ZDHHC5: variants seen among roughly 807,000 people sequenced by gnomAD.
ZDHHC5 encodes palmitoyltransferase ZDHHC5.
In ZDHHC5, 22 loss-of-function variants were observed where a neutral mutation model predicts 70.0. The observed-to-expected ratio is 0.31, with a 90% CI of 0.22 to 0.45. The LOEUF is 0.45. Among genes scored for constraint, ZDHHC5 ranks in the 20% least tolerant of loss-of-function variants. ZDHHC5 has a pLI of 1.00. For missense variants in ZDHHC5, 746 were observed against 926.9 expected, an observed-to-expected ratio of 0.80 and a Z score of 2.53; for synonymous variants, 313 against 347.8, an observed-to-expected ratio of 0.90 and a Z score of 1.11.
At chr11:57,678,829 A>G (rs188197166) in intron 2 of ZDHHC5, among the ~76,000 whole-genome samples, 14 of 152,208 alleles carry the variant, frequency 9.2e-5, no homozygotes, top group Non-Finnish European at 1.8e-4. Flanking sequence ...TGAGCCAAGC[A>G]TGGGTGACAG....
Position 57,673,187 on chromosome 11 carries a change from G to T in ZDHHC5, c.97G>T (p.Ala33Ser). ...FLVGATTLFF[A>S]FTCPGLSLYV... ...AGTGGGAGCTACGACACTCTTCTTT[G>T]CCTTTACGTGAGTTTTCTCCCAGCA... Residue 33 changes from alanine (A) to serine (S), a missense_variant, in exon 2 of 12, where the codon GCC (alanine) becomes TCC (serine). Transcript: ENST00000287169. 6.2e-7 allele frequency: 1 copy of T among 1,613,750 alleles called. No individual in the cohort carries two copies. Among genetic ancestry groups the T allele is most frequent in the Non-Finnish European group, 8.5e-7 (1 of 1,179,736 alleles).
At chr11:57,683,465 A>T (rs1946172580) in intron 3 of ZDHHC5, among the ~76,000 whole-genome samples, 1 of 152,222 alleles carries the variant, frequency 6.6e-6, no homozygotes, top group Admixed American at 6.5e-5. Flanking sequence ...TGGAGGAATT[A>T]TCTAGAGTAG....
rs1946017853 is a variant in ZDHHC5 at position 57,672,443 on chromosome 11, CAG to C, written c.-647_-646del. 1.0e-5 allele frequency: 4 copies of C among 386,380 alleles called. No homozygotes were observed. The highest frequency in any genetic ancestry group is 1.4e-5 in the Non-Finnish European group (3 of 218,942). 23.9% of individuals were successfully genotyped at this position (386,380 alleles called of 1,614,324 possible). A position where few individuals can be genotyped will look rare whatever the true frequency, so the allele number is the denominator to read the frequency against. On this transcript the variant is annotated 5_prime_UTR_variant, in exon 2 of 12. Transcript: ENST00000287169. ...GCCAGACTACAAGCCCTGGTGAAGT[CAG>C]GGTGTGGGAGTGGTGGCATTGAGAA... is the stretch of plus-strand genomic sequence containing the variant.
At position 57,668,164 on chromosome 11, in the gene ZDHHC5, T is replaced by C; in HGVS notation, c.-1094T>C. The C allele has an allele frequency of 2.7e-6, 1 of 367,732 alleles. No individual in the cohort carries two copies. The highest frequency in any genetic ancestry group is 4.0e-5 in the East Asian group (1 of 25,174). The allele number at this position is 367,732 out of a possible 1,614,324, so 22.8% of individuals were successfully genotyped here. On this transcript the variant is annotated 5_prime_UTR_variant, in exon 1 of 12. Transcript: ENST00000287169. ...GAGGCGGCGGTGACAACGACGGCGG[T>C]GGTGACGGGCACCGGGCTCGCGGGT...
intron 2 of ZDHHC5, among the ~76,000 whole-genome samples, chr11:57,674,786 G>C (rs577219085): frequency 5.9e-5 from 9 of 152,292 alleles, no homozygotes; most frequent in African/African-American, 2.2e-4. Flanking sequence ...TAAAGAAGGA[G>C]AGAAAGAATC....
intron 3 of ZDHHC5, among the ~76,000 whole-genome samples, chr11:57,685,583 A>G (rs2135390984): frequency 6.6e-6 from 1 of 152,276 alleles, no homozygotes; most frequent in South Asian, 2.1e-4. Flanking sequence ...TGGGAGGTGG[A>G]GGTTGTGATG....
chr11:57,684,832 C>T (rs1169392398), intron 3 of ZDHHC5, among the ~76,000 whole-genome samples: 1 of 152,178 alleles, frequency 6.6e-6, no homozygotes, highest in East Asian at 1.9e-4. Context: ...GCTGGCAACT[C>T]TGCTGAGATG....
At chr11:57,681,890 C>G (rs1204089579) in intron 2 of ZDHHC5, among the ~76,000 whole-genome samples, 2 of 152,172 alleles carry the variant, frequency 1.3e-5, no homozygotes, top group Admixed American at 6.5e-5. Context: ...AGTAAACTCT[C>G]AGGCATATCC....
intron 2 of ZDHHC5, among the ~76,000 whole-genome samples, chr11:57,676,201 C>T (rs535676866): frequency 6.6e-5 from 10 of 152,306 alleles, no homozygotes; most frequent in Non-Finnish European, 1.2e-4. Flanking sequence ...GTTGAGTTTG[C>T]ATCAAAGAAA....
rs948190829 is a variant in ZDHHC5, at chr11:57,673,292, G to C, written c.104+98G>C. 4.2e-5 allele frequency: 49 copies of C among 1,177,690 alleles called. No homozygotes were observed. In the Middle Eastern group the frequency reaches 5.8e-4, roughly 14 times the overall value. The allele number at this position is 1,177,690 out of a possible 1,614,324, so 73.0% of individuals were successfully genotyped here. A position where few individuals can be genotyped will look rare whatever the true frequency, so the allele number is the denominator to read the frequency against. ...TTGAGTTTTGCAAAGCCAAGTGACTGAGAGGGCTCAGCGTCTGGTACAGGT... is the reference window on the plus strand; with the variant it reads ...TTGAGTTTTGCAAAGCCAAGTGACTCAGAGGGCTCAGCGTCTGGTACAGGT... On this transcript the variant is annotated intron_variant, in intron 2 of 11. Coordinates refer to ENST00000287169, the MANE Select transcript of ZDHHC5 (RefSeq NM_015457.3).
intron 3 of ZDHHC5, among the ~76,000 whole-genome samples, chr11:57,687,134 C>T (rs1946217430): frequency 6.6e-6 from 1 of 152,046 alleles, no homozygotes; most frequent in Non-Finnish European, 1.5e-5. Context: ...CCCAGCTGTA[C>T]AGTTCTTTAC....
chr11:57,690,543 C>A, intron 6 of ZDHHC5, 106 bp downstream of exon 6: 1 of 1,177,072 alleles, frequency 8.5e-7, no homozygotes, highest in Non-Finnish European at 1.3e-6. Flanking sequence ...TTAATGAATA[C>A]TTTTCATGAT....
Position 57,693,779 on chromosome 11 carries a change from T to G in ZDHHC5, c.753-4T>G. The G allele has an allele frequency of 6.4e-7, 1 of 1,556,052 alleles. No homozygotes were observed. The highest frequency in any genetic ancestry group is 8.7e-7 in the Non-Finnish European group (1 of 1,150,912). On this transcript the variant is annotated splice_region_variant and splice_polypyrimidine_tract_variant and intron_variant, in intron 7 of 11. Coordinates refer to ENST00000287169, the MANE Select transcript of ZDHHC5 (RefSeq NM_015457.3). ...TCTCTCTCTCTCTCTCTCTCGACAC[T>G]TAGGTATTTGGGGAGACCAAAGAAA...
intron 8 of ZDHHC5, among the ~76,000 whole-genome samples, chr11:57,694,632 G>GA (rs1310216816): frequency 1.3e-5 from 2 of 152,252 alleles, no homozygotes; most frequent in East Asian, 1.9e-4. Context: ...AAAATGCTAG[G>GA]ATTATAGGTG....
chr11:57,698,935 C>T lies in ZDHHC5; in HGVS notation c.1499C>T (p.Pro500Leu), dbSNP rs1946395764. ...EPDPPLGYTSPFLSARLAQQR... is the reference protein window; with the variant it reads ...EPDPPLGYTSLFLSARLAQQR... ...GACCCACCTTTAGGCTATACCTCTC[C>T]CTTCCTGTCAGCCAGGCTGGCCCAG... The change falls in exon 11 of 12, where the codon CCC (proline) becomes CTC (leucine). Residue 500 changes from proline to leucine, a missense_variant. Around this residue, in one of 6 missense-constraint regions of ZDHHC5, gnomAD observed 340 missense variants for 350.1 expected, o/e 0.97. Coordinates refer to ENST00000287169, the MANE Select transcript of ZDHHC5 (RefSeq NM_015457.3). 1.2e-6 allele frequency: 2 copies of T among 1,613,912 alleles called. No homozygotes were observed. The highest frequency in any genetic ancestry group is 1.7e-6 in the Non-Finnish European group (2 of 1,180,018).
intron 10 of ZDHHC5, 46 bp from the exon 11 acceptor site, chr11:57,698,513 C>G: frequency 6.5e-7 from 1 of 1,538,286 alleles, no homozygotes. Flanking sequence ...GGTCTAGCTT[C>G]TGTCACAAAA....
chr11:57,698,550 C>A lies in ZDHHC5; in HGVS notation c.1123-9C>A, dbSNP rs760124406. The A allele has an allele frequency of 6.3e-7, 1 of 1,583,142 alleles. No individual in the cohort carries two copies. Among genetic ancestry groups the A allele is most frequent in the Non-Finnish European group, 8.6e-7 (1 of 1,166,152 alleles). ...GAGCACTAAGAGCCTGCTTTACTTT[C>A]TTCCTCAGTTGAGTCGTGGGGACAG... On this transcript the variant is annotated splice_polypyrimidine_tract_variant and intron_variant, in intron 10 of 11. Coordinates refer to ENST00000287169, the MANE Select transcript of ZDHHC5 (RefSeq NM_015457.3).
intron 2 of ZDHHC5, among the ~76,000 whole-genome samples, chr11:57,679,185 G>A (rs1946114601): frequency 6.6e-6 from 1 of 151,742 alleles, no homozygotes; most frequent in Non-Finnish European, 1.5e-5. Context: ...ATTTTGAGAC[G>A]GAGTTTGGCT....
chr11:57,678,461 C>T (rs1172580736), intron 2 of ZDHHC5, among the ~76,000 whole-genome samples: 1 of 151,220 alleles, frequency 6.6e-6, no homozygotes, highest in East Asian at 1.9e-4. Context: ...GTCCCAGCTA[C>T]TCGGGAGGCT....
Sources: gnomAD v4.1 joint callset for allele counts (sites outside exome capture counted in the v4.1 genomes callset) on GRCh38, gnomAD v4.1.1 for gene constraint, gnomAD v4.1.1 regional missense constraint, MANE v1.5 for transcripts, NCBI Gene and HGNC (gene_info 2026-07-23, HGNC 2026-07-21) for gene names.